OVCH1: variants seen among roughly 807,000 people sequenced by gnomAD.
OVCH1 encodes ovochymase-1.
OVCH1 carries 139 observed loss-of-function variants against 138.4 expected under a neutral mutation model. The ratio of observed to expected loss-of-function variants is 1.00; its 90% CI spans 0.87 to 1.16. The LOEUF (loss-of-function observed/expected upper bound fraction) is 1.16. OVCH1 is among the 50% of genes most tolerant of loss of function. The pLI, the probability that OVCH1 is intolerant of heterozygous loss-of-function variation, is 0.00. For missense variants in OVCH1, 1,367 were observed against 1,357.9 expected, an observed-to-expected ratio of 1.01 and a Z score of -0.11; for synonymous variants, 453 against 467.8, an observed-to-expected ratio of 0.97 and a Z score of 0.41.
chr12:29,459,137 C>T (rs6487826), intron 19 of OVCH1, among the ~76,000 whole-genome samples: 20,578 of 152,084 alleles, frequency 0.14, 1,386 homozygotes, highest in African/African-American at 0.14. Flanking sequence ...CCTAGGTATA[C>T]ATCCAAAAGA....
intron 15 of OVCH1, among the ~76,000 whole-genome samples, chr12:29,472,315 T>C (rs759823436): frequency 6.7e-6 from 1 of 150,038 alleles, no homozygotes; most frequent in African/African-American, 2.4e-5. Context: ...CTGGCCCCCA[T>C]GGAACTTACA....
intron 1 of OVCH1, 119 bp from the exon 2 acceptor site, chr12:29,496,793 C>CAG: frequency 3.0e-6 from 2 of 677,640 alleles, no homozygotes; most frequent in Non-Finnish European, 5.0e-6. Flanking sequence ...CACTTAGCTG[C>CAG]AGACTACCAC....
At chr12:29,439,484 G>A (rs1215755378) in intron 25 of OVCH1, 6 of 1,382,554 alleles carry the variant, frequency 4.3e-6, no homozygotes, top group African/African-American at 1.6e-5. Context: ...AAAACAAAAA[G>A]CAAAAAACAA....
At chr12:29,476,617 A>G (rs574182672) in intron 12 of OVCH1, among the ~76,000 whole-genome samples, 5 of 152,276 alleles carry the variant, frequency 3.3e-5, no homozygotes, top group South Asian at 2.1e-4. Context: ...CTAATAGGGA[A>G]CTGGTTTAAT....
intron 19 of OVCH1, chr12:29,461,610 C>G (rs1002649929): frequency 1.8e-6 from 1 of 548,846 alleles, no homozygotes; most frequent in East Asian, 3.4e-5. Context: ...TGCCTTCTCA[C>G]CAGCTCCTCT....
downstream of OVCH1, among the ~76,000 whole-genome samples, chr12:29,409,505 G>A (rs1940925472): frequency 6.6e-6 from 1 of 151,782 alleles, no homozygotes; most frequent in Non-Finnish European, 1.5e-5. Context: ...CTGGTATGTT[G>A]TGTCTTTGTT....
chr12:29,480,485 C>A (rs980773739), intron 8 of OVCH1, among the ~76,000 whole-genome samples: 1 of 152,274 alleles, frequency 6.6e-6, no homozygotes. Context: ...CAAATCTATG[C>A]CAACTTTGAT....
At chr12:29,479,955 C>T (rs1333607608) in intron 8 of OVCH1, among the ~76,000 whole-genome samples, 1 of 151,814 alleles carries the variant, frequency 6.6e-6, no homozygotes, top group African/African-American at 2.4e-5. Context: ...TCCCAAGTAG[C>T]TGGGACTGCA....
downstream of OVCH1, among the ~76,000 whole-genome samples, chr12:29,422,748 A>T (rs76307974): frequency 6.6e-6 from 1 of 152,128 alleles, no homozygotes; most frequent in African/African-American, 2.4e-5. Flanking sequence ...CAGCTAATCT[A>T]TTCTCTTCTG....
chr12:29,436,054 T>C (rs1941352974), intron 26 of OVCH1, among the ~76,000 whole-genome samples: 1 of 152,164 alleles, frequency 6.6e-6, no homozygotes, highest in Admixed American at 6.5e-5. Context: ...TTCATCCTGA[T>C]TTTCTCACTC....
chr12:29,422,038 A>C (rs1256584876), intron 3 of OVCH1, among the ~76,000 whole-genome samples: 29 of 152,146 alleles, frequency 1.9e-4, no homozygotes, highest in Admixed American at 1.9e-3. Flanking sequence ...AGACTATCCA[A>C]GATCTTAGGA....
At chr12:29,490,045 G>A (rs908562102) in intron 5 of OVCH1, among the ~76,000 whole-genome samples, 1 of 152,006 alleles carries the variant, frequency 6.6e-6, no homozygotes, top group African/African-American at 2.4e-5. Flanking sequence ...GGAAAACTTT[G>A]GTCAATATGG....
At chr12:29,465,154 G>A in exon 17 of OVCH1, 1 of 1,601,516 alleles carries the variant, frequency 6.2e-7, no homozygotes, top group South Asian at 1.1e-5. Context: ...CACCTGCTCT[G>A]TTGATTCCTT....
intron 26 of OVCH1, among the ~76,000 whole-genome samples, chr12:29,436,219 G>A (rs1941356460): frequency 6.6e-6 from 1 of 151,860 alleles, no homozygotes. Context: ...AATGAATCTA[G>A]TGTGTTAACA....
chr12:29,436,393 A>G (rs1941360299), intron 26 of OVCH1, among the ~76,000 whole-genome samples: 1 of 152,002 alleles, frequency 6.6e-6, no homozygotes, highest in African/African-American at 2.4e-5. Flanking sequence ...TTTGACAAGT[A>G]TAATCATTCT....
At chr12:29,451,440 A>T in exon 22 of OVCH1, 1 of 1,613,286 alleles carries the variant, frequency 6.2e-7, no homozygotes, top group Non-Finnish European at 8.5e-7. Flanking sequence ...CTCAATGGTA[A>T]ATTTTGCCAT....
intron 5 of OVCH1, among the ~76,000 whole-genome samples, chr12:29,490,757 G>A (rs760022113): frequency 6.6e-5 from 10 of 151,832 alleles, no homozygotes; most frequent in South Asian, 2.1e-4. Flanking sequence ...TTTTGTTTCC[G>A]AGTCTGACTT....
chr12:29,486,946 G>A (rs1209754652), intron 7 of OVCH1: 1 of 455,670 alleles, frequency 2.2e-6, no homozygotes, highest in South Asian at 1.6e-5. Context: ...GTGGAGCAGT[G>A]AAGAGGCCTT....
rs1052897406 is a variant in OVCH1 at position 29,413,204 on chromosome 12, ACTAT to A, written c.*72-483_*72-480del. 9.9e-5 allele frequency among the ~76,000 whole-genome samples: 15 copies of A among 152,214 alleles called. No homozygotes were observed. The East Asian group carries it at 2.7e-3, about 27-fold the overall frequency. ...GCTGTGATTAAGTCTTCCAGAAAATACTATCTATTACTCAAAAGGGATCAGCCCA... is the reference window on the plus strand; with the variant it reads ...GCTGTGATTAAGTCTTCCAGAAAATACTATTACTCAAAAGGGATCAGCCCA... On this transcript the variant is annotated intron_variant and NMD_transcript_variant, in intron 3 of 4. Coordinates refer to the OVCH1 transcript ENST00000539117.
Sources: gnomAD v4.1 joint callset for allele counts (sites outside exome capture counted in the v4.1 genomes callset) on GRCh38, gnomAD v4.1.1 for gene constraint, MANE v1.5 for transcripts, NCBI Gene and HGNC (gene_info 2026-07-23, HGNC 2026-07-21) for gene names.